TYW1: variants seen among roughly 807,000 people sequenced by gnomAD.
TYW1 encodes S-adenosyl-L-methionine-dependent tRNA 4-demethylwyosine synthase TYW1.
A neutral mutation model predicts 96.2 loss-of-function variants in TYW1; 46 were observed. The observed-to-expected ratio is 0.48, with a 90% confidence interval of 0.38 to 0.61. The LOEUF (loss-of-function observed/expected upper bound fraction) is 0.61. TYW1 is among the 20% of genes least tolerant of loss of function. The pLI, the probability that TYW1 is intolerant of heterozygous loss-of-function variation, is 0.00. For synonymous variants in TYW1, 274 were observed against 323.0 expected (o/e 0.85, Z 1.63); for missense variants, 684 against 909.6 (o/e 0.75, Z 3.19).
At chr7:67,132,880 G>A (rs889629271) in intron 13 of TYW1, among the ~76,000 whole-genome samples, 10 of 152,086 alleles carry the variant, frequency 6.6e-5, no homozygotes, top group Admixed American at 5.9e-4. Flanking sequence ...CCTACAGATG[G>A]GCATTTGGAT....
intron 15 of TYW1, among the ~76,000 whole-genome samples, chr7:67,202,106 A>G (rs1160816516): frequency 1.3e-5 from 2 of 151,988 alleles, no homozygotes; most frequent in Non-Finnish European, 2.9e-5. Context: ...GCTCATTTAG[A>G]TTCCTTCCAA....
rs1795317584 is a variant in TYW1 at position 67,050,403 on chromosome 7, C to G, written c.1102+337C>G. ...AAGTGTTTATGTAGAGGTGTCATATCTGGGTTTTTGTGGTCTTACCTTATT... is the reference window on the plus strand; with the variant it reads ...AAGTGTTTATGTAGAGGTGTCATATGTGGGTTTTTGTGGTCTTACCTTATT... On this transcript the variant is annotated intron_variant, in intron 8 of 15. Coordinates refer to ENST00000359626, the MANE Select transcript of TYW1 (RefSeq NM_018264.4). 2.0e-5 allele frequency among the ~76,000 whole-genome samples: 3 copies of G among 152,224 alleles called. No individual in the cohort carries two copies. In the South Asian group the frequency reaches 6.2e-4, roughly 32 times the overall value.
At chr7:67,128,434 G>T (rs963362452) in intron 13 of TYW1, among the ~76,000 whole-genome samples, 17 of 152,122 alleles carry the variant, frequency 1.1e-4, no homozygotes, top group African/African-American at 4.1e-4. Context: ...GTTCTTGTGT[G>T]CTGTGTACTT....
intron 14 of TYW1, among the ~76,000 whole-genome samples, 180 bp from the exon 15 acceptor site, chr7:67,194,990 G>A (rs1391020093): frequency 6.8e-6 from 1 of 147,230 alleles, no homozygotes; most frequent in Non-Finnish European, 1.5e-5. Context: ...GTCTTTGTCA[G>A]TAGCTACTTG....
At chr7:67,098,912 T>G (rs1286261300) in intron 12 of TYW1, among the ~76,000 whole-genome samples, 194 bp downstream of exon 12, 2 of 152,110 alleles carry the variant, frequency 1.3e-5, no homozygotes, top group East Asian at 3.8e-4. Flanking sequence ...GTAAAAAGAC[T>G]AGAGGCACAG....
chr7:67,145,599 A>G (rs2116135122), intron 13 of TYW1, among the ~76,000 whole-genome samples: 1 of 152,282 alleles, frequency 6.6e-6, no homozygotes, highest in Non-Finnish European at 1.5e-5. Flanking sequence ...CTATTGTTTC[A>G]TCATCTTAGA....
chr7:67,151,698 G>A (rs1798805108), intron 13 of TYW1, among the ~76,000 whole-genome samples: 1 of 152,220 alleles, frequency 6.6e-6, no homozygotes, highest in Non-Finnish European at 1.5e-5. Context: ...AAATGGTAGT[G>A]ACTGGTGTGA....
At chr7:67,172,756 A>G (rs1258287288) in intron 13 of TYW1, among the ~76,000 whole-genome samples, 4 of 149,750 alleles carry the variant, frequency 2.7e-5, no homozygotes, top group African/African-American at 9.9e-5. Flanking sequence ...TACATTCAGT[A>G]TTCATGATTT....
chr7:67,029,200 G>C (rs62466623), intron 7 of TYW1, among the ~76,000 whole-genome samples: 4 of 150,858 alleles, frequency 2.7e-5, no homozygotes, highest in Non-Finnish European at 5.9e-5. Flanking sequence ...GGGTTTCACC[G>C]TGGTCTTGAT....
chr7:67,014,275 T>C (rs546007749), intron 4 of TYW1, 92 bp from the exon 5 acceptor site: 1 of 1,482,290 alleles, frequency 6.7e-7, no homozygotes, highest in Non-Finnish European at 9.0e-7. Flanking sequence ...CCTTTGTTCT[T>C]TGAGATGAGT....
intron 7 of TYW1, among the ~76,000 whole-genome samples, chr7:67,031,404 G>GCGGATCACCTGTGGT: frequency 1.6e-5 from 1 of 63,782 alleles, no homozygotes; most frequent in Non-Finnish European, 2.6e-5. Context: ...GCCGAGGTGG[G>GCGGATCACCTGTGGT]CGGATCACCT....
At chr7:67,220,351 C>T (rs1198578344) in intron 15 of TYW1, among the ~76,000 whole-genome samples, 3 of 151,482 alleles carry the variant, frequency 2.0e-5, no homozygotes, top group Admixed American at 6.6e-5. Flanking sequence ...CTACAGGCGC[C>T]TGCCACCATG....
At chr7:67,203,357 T>C (rs1345603534) in intron 15 of TYW1, among the ~76,000 whole-genome samples, 2 of 152,268 alleles carry the variant, frequency 1.3e-5, no homozygotes, top group East Asian at 3.8e-4. Flanking sequence ...CAACATACAG[T>C]TGTCATACTT....
chr7:67,186,853 C>G (rs936542457), intron 14 of TYW1, among the ~76,000 whole-genome samples: 2 of 152,006 alleles, frequency 1.3e-5, no homozygotes, highest in African/African-American at 4.8e-5. Flanking sequence ...CTATTTTGTC[C>G]TTGCATTCAA....
intron 13 of TYW1, among the ~76,000 whole-genome samples, chr7:67,177,162 T>C (rs1799699239): frequency 1.3e-5 from 2 of 152,164 alleles, no homozygotes; most frequent in African/African-American, 4.8e-5. Context: ...TACAGTGGAC[T>C]ATCCATATGT....
At chr7:67,010,386 A>G (rs1584458728) in intron 4 of TYW1, among the ~76,000 whole-genome samples, 1 of 150,364 alleles carries the variant, frequency 6.7e-6, no homozygotes, top group African/African-American at 2.5e-5. Context: ...TGCAATTTCA[A>G]CCTCCCGGGC....
intron 4 of TYW1, among the ~76,000 whole-genome samples, chr7:67,010,550 A>G (rs1228375491): frequency 6.7e-6 from 1 of 148,728 alleles, no homozygotes; most frequent in Non-Finnish European, 1.5e-5. Context: ...ATCTCAGCTC[A>G]CTGCAAGCTC....
At chr7:67,168,012 C>A (rs1214157043) in intron 13 of TYW1, among the ~76,000 whole-genome samples, 2 of 152,064 alleles carry the variant, frequency 1.3e-5, no homozygotes, top group African/African-American at 4.8e-5. Flanking sequence ...CTCGGCCTCC[C>A]AAAGTGTTGG....
rs115221758 is a variant in TYW1 at position 67,136,405 on chromosome 7, A to G, written c.1698+18787A>G. Among the ~76,000 whole-genome samples the G allele has an allele frequency of 8.1e-3, 1,230 of 152,266 alleles. 14 individuals are homozygous for G. The highest frequency in any genetic ancestry group is 0.027 in the African/African-American group (1,129 of 41,550). ...ATTACAGTTATGTAATTCTGTAGTGATCTGTTGCCAAGGTATTATTAGTAC... is the reference window on the plus strand; with the variant it reads ...ATTACAGTTATGTAATTCTGTAGTGGTCTGTTGCCAAGGTATTATTAGTAC... On this transcript the variant is annotated intron_variant, in intron 13 of 15. Transcript: ENST00000359626.
Sources: allele counts gnomAD v4.1 joint callset (sites outside exome capture counted in the v4.1 genomes callset), GRCh38; gene constraint gnomAD v4.1.1; transcripts MANE v1.5; gene names NCBI Gene and HGNC (gene_info 2026-07-23, HGNC 2026-07-21).